M1AP: variants seen among roughly 807,000 people sequenced by gnomAD.
M1AP encodes meiosis 1 arrest protein.
Under a neutral mutation model 51.2 loss-of-function variants are expected in M1AP, and 39 were observed. The observed-to-expected ratio is 0.76, with a 90% confidence interval of 0.59 to 1.00. The LOEUF (loss-of-function observed/expected upper bound fraction) is 1.00. M1AP is among the 50% of genes least tolerant of loss of function. M1AP has a pLI of 0.00. For missense variants in M1AP, 545 were observed against 641.2 expected (o/e 0.85, Z 1.62); for synonymous variants, 251 against 249.2 (o/e 1.01, Z -0.07).
intron 1 of M1AP, among the ~76,000 whole-genome samples, chr2:74,640,797 T>C (rs1683254828): frequency 6.6e-6 from 1 of 152,228 alleles, no homozygotes; most frequent in African/African-American, 2.4e-5. Flanking sequence ...ATCTAGATGT[T>C]TGCCTATCAT....
chr2:74,576,858 T>C, intron 5 of M1AP: 2 of 1,278,300 alleles, frequency 1.6e-6, no homozygotes, highest in South Asian at 3.8e-5. Context: ...AGTTAACTTA[T>C]CTTCAAGAGT....
chr2:74,560,181 G>A lies in M1AP; in HGVS notation c.1392C>T (p.His464=). ...SIYAKPQGRL[H]PHWESRAPRK... ...TCGGAGCTCGGCTCTCCCAGTGTGG[G>A]TGGAGCCGCCCCTGAGGCTTGGCAT... Residue 464 remains histidine, a synonymous_variant, in exon 9 of 11, where the codon CAC becomes CAT. Transcript: ENST00000421985. 1 of 1,614,056 alleles carries A rather than the reference G, an allele frequency of 6.2e-7. No homozygotes were observed. The highest frequency in any genetic ancestry group is 8.5e-7 in the Non-Finnish European group (1 of 1,180,012).
In M1AP at chr2:74,640,040, A is replaced by C. The variant is rs1205005465; in HGVS notation, c.236T>G (p.Phe79Cys). The part of the protein sequence containing the change: ...VQDQHECILP[F>C]VQVKGNFARL... ...AATAAATATAGATATACTTACCACA[A>C]AAGGGAGGATGCACTCATGCTGATC... The change falls in exon 2 of 11, where the codon TTT becomes TGT. Residue 79 changes from phenylalanine (F) to cysteine (C), a missense_variant. Transcript: ENST00000421985. 5.0e-6 allele frequency: 8 copies of C among 1,613,790 alleles called. No homozygotes were observed. The highest frequency in any genetic ancestry group is 6.8e-6 in the Non-Finnish European group (8 of 1,179,680).
intron 1 of M1AP, 43 bp from the exon 2 acceptor site, chr2:74,640,370 T>C: frequency 1.4e-6 from 2 of 1,471,742 alleles, no homozygotes; most frequent in South Asian, 2.7e-5. Flanking sequence ...CAAACTGAAT[T>C]ATGTGTGCTC....
At chr2:74,616,199 G>A (rs551160067) in intron 2 of M1AP, among the ~76,000 whole-genome samples, 30 of 152,300 alleles carry the variant, frequency 2.0e-4, no homozygotes, top group Non-Finnish European at 3.5e-4. Flanking sequence ...GTGTAGCCTA[G>A]TAGGCTTTAA....
intron 4 of M1AP, among the ~76,000 whole-genome samples, chr2:74,582,573 A>G (rs1042483825): frequency 1.3e-5 from 2 of 152,248 alleles, no homozygotes; most frequent in African/African-American, 4.8e-5. Context: ...ATATATATGT[A>G]AATGCATTTT....
chr2:74,558,723 C>T lies in M1AP; in HGVS notation c.1586G>A (p.Arg529Lys), dbSNP rs1203816856. 6.2e-7 allele frequency: 1 copy of T among 1,612,166 alleles called. No individual in the cohort carries two copies. The highest frequency in any genetic ancestry group is 1.3e-5 in the African/African-American group (1 of 74,962). Reference protein sequence around the residue: ...LPSEWEKDPSRP With the variant: ...LPSEWEKDPSKP ...GGCTCTGGTGCTGGTGACTTAGGGC[C>T]TTGAGGGATCCTTCTCCCACTCTGA... Residue 529 changes from arginine (R) to lysine (K), a missense_variant, in exon 11 of 11, where the codon AGG becomes AAG. By Grantham distance (26) the Arg-to-Lys change is conservative. Transcript: ENST00000421985.
At chr2:74,628,427 G>C in intron 2 of M1AP, 1 of 389,960 alleles carries the variant, frequency 2.6e-6, no homozygotes. Context: ...CCTTACACCT[G>C]ATGTAACCAT....
chr2:74,595,497 G>A (rs990830339), intron 4 of M1AP, among the ~76,000 whole-genome samples: 10 of 151,860 alleles, frequency 6.6e-5, no homozygotes, highest in South Asian at 4.2e-4. Flanking sequence ...GATTATAGGT[G>A]CACACTACCA....
At chr2:74,614,001 G>A (rs1376640374) in intron 3 of M1AP, among the ~76,000 whole-genome samples, 1 of 152,208 alleles carries the variant, frequency 6.6e-6, no homozygotes, top group Non-Finnish European at 1.5e-5. Flanking sequence ...TGTCCAGGCT[G>A]CTCTTGAACT....
intron 1 of M1AP, among the ~76,000 whole-genome samples, chr2:74,641,175 T>C (rs1683276597): frequency 6.6e-6 from 1 of 152,372 alleles, no homozygotes; most frequent in Admixed American, 6.5e-5. Flanking sequence ...ATTACTTAAT[T>C]GTTAGCCTCA....
Position 74,581,705 on chromosome 2 carries a change from G to A in M1AP, c.738C>T (p.Phe246=). 6.2e-7 allele frequency: 1 copy of A among 1,613,996 alleles called. No homozygotes were observed. The highest frequency in any genetic ancestry group is 8.5e-7 in the Non-Finnish European group (1 of 1,179,916). ...QIHLLLSSQC[F]SNISRPRDNP... ...TATCTCTGGGTCTGGAAATGTTGCT[G>A]AAACACTGTGAAGAAAGAAGAAGAT... Residue 246 remains phenylalanine (F), a synonymous_variant, in exon 5 of 11, where the codon TTC becomes TTT. Coordinates refer to ENST00000421985, the MANE Select transcript of M1AP (RefSeq NM_001321739.2).
At position 74,576,491 on chromosome 2, in the gene M1AP, C is replaced by T; in HGVS notation, c.897G>A (p.Gln299=). Residue 299 remains glutamine (Q), a synonymous_variant, in exon 6 of 11, where the codon CAG becomes CAA. Transcript: ENST00000421985. ...GGAGCTTGTAATGAGAGGCCGATGA[C>T]TGGGAAGCCATCTGGTAGAGTGTGA... is the stretch of plus-strand genomic sequence containing the variant. ...DFITLYQMAS[Q]SSASHYKLQV... The T allele has an allele frequency of 1.2e-6, 2 of 1,614,022 alleles. No homozygotes were observed. The highest frequency in any genetic ancestry group is 2.7e-5 in the African/African-American group (2 of 75,040).
At chr2:74,609,320 T>C (rs1681196728) in intron 3 of M1AP, among the ~76,000 whole-genome samples, 1 of 152,264 alleles carries the variant, frequency 6.6e-6, no homozygotes, top group South Asian at 2.1e-4. Flanking sequence ...CTCGTCCTTC[T>C]GTGCCTGGCT....
chr2:74,642,272 A>G, intron 1 of M1AP, among the ~76,000 whole-genome samples: 1 of 147,600 alleles, frequency 6.8e-6, no homozygotes, highest in South Asian at 2.1e-4. Flanking sequence ...AACTAATAAT[A>G]TACAAAAAAA....
At chr2:74,639,478 A>G (rs1324856930) in intron 2 of M1AP, among the ~76,000 whole-genome samples, 2 of 152,252 alleles carry the variant, frequency 1.3e-5, no homozygotes, top group Non-Finnish European at 2.9e-5. Context: ...TTATGTATGA[A>G]GGAGCTTTGT....
At chr2:74,605,900 CAAAAAAA>C (rs1255588829) in intron 4 of M1AP, among the ~76,000 whole-genome samples, 1 of 122,504 alleles carries the variant, frequency 8.2e-6, no homozygotes, top group Admixed American at 8.6e-5. Flanking sequence ...GACTCCATCT[CAAAAAAA>C]AAAAAAAAAT....
intron 2 of M1AP, among the ~76,000 whole-genome samples, chr2:74,629,614 C>T (rs1682589122): frequency 6.6e-6 from 1 of 151,828 alleles, no homozygotes; most frequent in South Asian, 2.1e-4. Context: ...TAGCTGGGTG[C>T]GGTGGCGGGC....
intron 4 of M1AP, among the ~76,000 whole-genome samples, chr2:74,590,405 T>C (rs968066718): frequency 1.3e-5 from 2 of 151,140 alleles, no homozygotes; most frequent in Non-Finnish European, 2.9e-5. Context: ...TAATACTATC[T>C]ATTTGGTGAT....
Sources: allele counts gnomAD v4.1 joint callset (sites outside exome capture counted in the v4.1 genomes callset), GRCh38; gene constraint gnomAD v4.1.1; transcripts MANE v1.5; gene names NCBI Gene and HGNC (gene_info 2026-07-23, HGNC 2026-07-21).